ABCC6: variants seen among roughly 807,000 people sequenced by gnomAD.
ABCC6 encodes ATP binding cassette subfamily C member 6.
A neutral mutation model predicts 169.5 loss-of-function variants in ABCC6; 126 were observed. The ratio of observed to expected loss-of-function variants is 0.74; its 90% CI spans 0.64 to 0.86. The LOEUF (loss-of-function observed/expected upper bound fraction) is 0.86. Among genes scored for constraint, ABCC6 ranks in the 40% least tolerant of loss-of-function variants. The pLI is 0.00. For synonymous variants in ABCC6, 752 were observed against 814.7 expected, an observed-to-expected ratio of 0.92 and a Z score of 1.31; for missense variants, 1,733 against 1,927.2, an observed-to-expected ratio of 0.90 and a Z score of 1.89.
intron 4 of ABCC6, among the ~76,000 whole-genome samples, chr16:16,215,118 C>T (rs2048810848): frequency 6.6e-6 from 1 of 152,184 alleles, no homozygotes; most frequent in African/African-American, 2.4e-5. Context: ...CCCTGCTCCC[C>T]CTTGGCCAGG....
chr16:16,165,738 C>G lies in ABCC6; in HGVS notation c.3191G>C (p.Arg1064Pro), dbSNP rs774796759. The G allele has an allele frequency of 2.0e-5, 33 of 1,613,738 alleles. No homozygotes were observed. The South Asian group carries it at 3.6e-4, about 18-fold the overall frequency. ...TCCAAAGGCGTACATCAGCAGGGAC[C>G]GGAGTTTGTCTGGAATGTCCACGTC... ...TVDVDIPDKL[R>P]SLLMYAFGLL... The change falls in exon 23 of 31, where the codon CGG (arginine) becomes CCG (proline). Residue 1064 changes from arginine (R) to proline (P), a missense_variant. Physicochemically the swap from Arg to Pro is moderately radical, Grantham distance 103. Around this residue, in one of 5 missense-constraint regions of ABCC6, gnomAD observed 1,601 missense variants for 1,635.5 expected, o/e 0.98. Transcript: ENST00000205557.
At position 16,150,519 on chromosome 16, in the gene ABCC6, G is replaced by A. The variant is rs140150899; in HGVS notation, c.4403+59C>T. 1,162 of 1,575,682 alleles carry A rather than the reference G, an allele frequency of 7.4e-4. 10 individuals are homozygous for A. The African/African-American group carries it at 0.014, about 19-fold the overall frequency. On this transcript the variant is annotated intron_variant, in intron 30 of 30. Coordinates refer to ENST00000205557, the MANE Select transcript of ABCC6 (RefSeq NM_001171.6). ...AGCCCAGTGGCCCAGGACTGCCTCC[G>A]CCTCCTTCCCCCACCACTGCAGGGC...
rs750893189 is a variant in ABCC6, at chr16:16,157,699, C to A, written c.3846G>T (p.Val1282=). The change falls in exon 27 of 31, where the codon GTG becomes GTT. Residue 1282 remains valine (V), a synonymous_variant. Transcript: ENST00000205557. ...LRYRPELPLA[V]QGVSFKIHAG... ...CGTGGATCTTGAAGGACACGCCCTG[C>A]ACAGCCAGCGGGAGCTCAGGTCGGT... 20 of 1,613,816 alleles carry A rather than the reference C, an allele frequency of 1.2e-5. No homozygotes were observed. The highest frequency in any genetic ancestry group is 1.6e-5 in the Non-Finnish European group (19 of 1,180,026).
Position 16,149,928 on chromosome 16 carries a change from C to T in ABCC6, c.*205G>A, listed in dbSNP as rs944258079. 10 of 743,086 alleles carry T rather than the reference C, an allele frequency of 1.3e-5. No individual in the cohort carries two copies. The highest frequency in any genetic ancestry group is 3.4e-5 in the South Asian group (2 of 59,356). The allele number at this position is 743,086 out of a possible 1,614,324, so 46.0% of individuals were successfully genotyped here. On this transcript the variant is annotated 3_prime_UTR_variant, in exon 31 of 31. Transcript: ENST00000205557. Reference sequence around the variant, plus strand: ...TGGACAGGGCGAGATGGGCCCTGCCCGGGCAGACCTGTGTATTGCTAGGTC... The same window carrying T: ...TGGACAGGGCGAGATGGGCCCTGCCTGGGCAGACCTGTGTATTGCTAGGTC...
At chr16:16,186,834 G>A (rs1458163218) in intron 14 of ABCC6, among the ~76,000 whole-genome samples, 1 of 152,108 alleles carries the variant, frequency 6.6e-6, no homozygotes, top group Non-Finnish European at 1.5e-5. Context: ...CACAAAACCA[G>A]TCCCTGGTGC....
intron 4 of ABCC6, among the ~76,000 whole-genome samples, chr16:16,214,778 T>A (rs55806915): frequency 0.039 from 6,011 of 152,196 alleles, 140 homozygotes; most frequent in African/African-American, 0.05. Context: ...CTAACTTTTT[T>A]AAAATATTTT....
chr16:16,156,981 G>A (rs1596594043), intron 27 of ABCC6, among the ~76,000 whole-genome samples: 1 of 149,710 alleles, frequency 6.7e-6, no homozygotes, highest in East Asian at 2.0e-4. Context: ...AGAGCAGATT[G>A]GAGCTGGTGA....
rs949465374 is a variant in ABCC6 at position 16,181,149 on chromosome 16, C to CA, written c.2247+1262dup. ...TGAAACCCCATCTCTACTAAAAGTA[C>CA]AAAAAAAAATTAGCCAGTTGTGGTG... On this transcript the variant is annotated intron_variant, in intron 17 of 30. Coordinates refer to ENST00000205557, the MANE Select transcript of ABCC6 (RefSeq NM_001171.6). Among the ~76,000 whole-genome samples, 23 of 149,934 alleles carry CA rather than the reference C, an allele frequency of 1.5e-4. No homozygotes were observed. In the South Asian group the frequency reaches 3.4e-3, roughly 22 times the overall value.
chr16:16,213,635 C>T (rs1460045276), intron 5 of ABCC6, among the ~76,000 whole-genome samples: 4 of 150,398 alleles, frequency 2.7e-5, no homozygotes, highest in Admixed American at 6.6e-5. Context: ...GTCTTGGCTC[C>T]CTGCAACCTC....
chr16:16,205,208 G>A (rs2048355313), intron 7 of ABCC6, among the ~76,000 whole-genome samples: 4 of 152,064 alleles, frequency 2.6e-5, no homozygotes, highest in African/African-American at 2.4e-5. Flanking sequence ...CTCTTTACAC[G>A]AAGGAGCTCA....
At chr16:16,153,702 G>A (rs534616663) in intron 29 of ABCC6, among the ~76,000 whole-genome samples, 18 of 151,864 alleles carry the variant, frequency 1.2e-4, no homozygotes, top group Admixed American at 3.9e-4. Context: ...ACGCAAGTTC[G>A]ACTGTAGCCT....
At chr16:16,184,853 T>C in intron 15 of ABCC6, 106 bp downstream of exon 15, 1 of 1,266,124 alleles carries the variant, frequency 7.9e-7, no homozygotes, top group Non-Finnish European at 1.2e-6. Flanking sequence ...CACCCTCCAG[T>C]CCCAGGCTGG....
At position 16,177,417 on chromosome 16, in the gene ABCC6, C is replaced by G. The variant is rs200024598; in HGVS notation, c.2590+35G>C. 2.9e-5 allele frequency: 46 copies of G among 1,613,430 alleles called. No homozygotes were observed. The Admixed American group carries it at 4.2e-4, about 15-fold the overall frequency. On this transcript the variant is annotated intron_variant, in intron 19 of 30. Coordinates refer to ENST00000205557, the MANE Select transcript of ABCC6 (RefSeq NM_001171.6). ...CCTTTTCCCCCAAGGGTGGCAGGAG[C>G]CAGGCCTGGAGAATCAGCAAAGCCC...
At chr16:16,169,409 C>T (rs1049554749) in intron 22 of ABCC6, among the ~76,000 whole-genome samples, 4 of 152,140 alleles carry the variant, frequency 2.6e-5, no homozygotes, top group Admixed American at 6.5e-5. Context: ...AGACGCCTTC[C>T]GCTAGTGGGG....
At chr16:16,178,737 G>A in intron 18 of ABCC6, 61 bp downstream of exon 18, 1 of 1,597,700 alleles carries the variant, frequency 6.3e-7, no homozygotes, top group East Asian at 2.2e-5. Flanking sequence ...GGTTAGGACT[G>A]GATGCTAAGT....
rs144582668 is a variant in ABCC6 at position 16,222,506 on chromosome 16, G to C, written c.37-675C>G. On this transcript the variant is annotated intron_variant, in intron 1 of 30. Transcript: ENST00000205557. ...AATCCTCCCACCTCGGCCTCCCAGA[G>C]TGCTGGGATTACAGGCATAAGCAGC... 1.5e-3 allele frequency among the ~76,000 whole-genome samples: 234 copies of C among 152,080 alleles called. No individual in the cohort carries two copies. The Middle Eastern group carries it at 0.027, about 18-fold the overall frequency.
chr16:16,156,741 C>G (rs169845), intron 27 of ABCC6, among the ~76,000 whole-genome samples: 95,835 of 151,518 alleles, frequency 0.63, 31,827 homozygotes, highest in South Asian at 0.87. Context: ...TCAGAAGTTT[C>G]ATAGCAGCCT....
At chr16:16,156,751 T>A (rs1436342352) in intron 27 of ABCC6, among the ~76,000 whole-genome samples, 1 of 151,892 alleles carries the variant, frequency 6.6e-6, no homozygotes, top group Non-Finnish European at 1.5e-5. Flanking sequence ...CATAGCAGCC[T>A]GGCCAACATG....
rs1434059126 is a variant in ABCC6 at position 16,214,456 on chromosome 16, G to A, written c.475-7C>T. 2 of 1,551,828 alleles carry A rather than the reference G, an allele frequency of 1.3e-6. No individual in the cohort carries two copies. The highest frequency in any genetic ancestry group is 2.0e-5 in the Admixed American group (1 of 51,000). On this transcript the variant is annotated splice_polypyrimidine_tract_variant and splice_region_variant and intron_variant, in intron 4 of 30. Transcript: ENST00000205557. ...CAGGGTCGCTCTGGAAGCCCTGTGG[G>A]AGGGAAAGCAGAAGATAAGGAATGG... is the stretch of plus-strand genomic sequence containing the variant.
Sources: gnomAD v4.1 joint callset for allele counts (sites outside exome capture counted in the v4.1 genomes callset) on GRCh38, gnomAD v4.1.1 for gene constraint, gnomAD v4.1.1 regional missense constraint, MANE v1.5 for transcripts, NCBI Gene and HGNC (gene_info 2026-07-23, HGNC 2026-07-21) for gene names.